ECT2: variants seen among roughly 807,000 people sequenced by gnomAD.
ECT2 encodes the protein protein ECT2.
A neutral mutation model predicts 116.9 loss-of-function variants in ECT2; 61 were observed. The ratio of observed to expected loss-of-function variants is 0.52; its 90% CI spans 0.42 to 0.65. ECT2 has a LOEUF of 0.65. Ranked by LOEUF, ECT2 falls within the 30% of genes least tolerant of loss-of-function variation. The pLI is 0.00. For synonymous variants in ECT2, 358 were observed against 346.4 expected (o/e 1.03, Z -0.37); for missense variants, 937 against 1,078.7 (o/e 0.87, Z 1.84).
At chr3:172,820,078 T>C (rs1730489901) in intron 24 of ECT2, 70 bp from the exon 25 acceptor site, 1 of 1,148,630 alleles carries the variant, frequency 8.7e-7, no homozygotes, top group South Asian at 1.4e-5. Flanking sequence ...ATAGGCATGA[T>C]ACTGAACTGT....
chr3:172,819,011 T>C lies in ECT2; in HGVS notation c.2656-1137T>C, dbSNP rs867653512. Among the ~76,000 whole-genome samples, 4 of 152,244 alleles carry C rather than the reference T, an allele frequency of 2.6e-5. No individual in the cohort carries two copies. In the East Asian group the frequency reaches 7.7e-4, roughly 29 times the overall value. Reference sequence around the variant, plus strand: ...ATAAGTTCCATTAGAAATTTTCTTATTTAGGAAAATTATCATTTTAAAGAA... The same window carrying C: ...ATAAGTTCCATTAGAAATTTTCTTACTTAGGAAAATTATCATTTTAAAGAA... On this transcript the variant is annotated intron_variant, in intron 24 of 24. Transcript: ENST00000392692.
downstream of ECT2, among the ~76,000 whole-genome samples, chr3:172,825,645 C>CT (rs1242759965): frequency 6.6e-6 from 1 of 152,158 alleles, no homozygotes; most frequent in African/African-American, 2.4e-5. Context: ...CCTTAACTCT[C>CT]TTTCAATTCT....
chr3:172,802,752 G>A (rs1322740840), intron 19 of ECT2, 58 bp downstream of exon 19: 3 of 1,518,322 alleles, frequency 2.0e-6, no homozygotes, highest in Non-Finnish European at 2.7e-6. Context: ...TGAGGTTTCT[G>A]TGGTTTTAAT....
chr3:172,767,238 C>T (rs186881359), intron 12 of ECT2, among the ~76,000 whole-genome samples: 11 of 152,222 alleles, frequency 7.2e-5, no homozygotes, highest in African/African-American at 2.2e-4. Flanking sequence ...TTCAGGAGTT[C>T]GAGACCAGCC....
At chr3:172,763,365 A>G (rs953776797) in intron 11 of ECT2, among the ~76,000 whole-genome samples, 1 of 152,176 alleles carries the variant, frequency 6.6e-6, no homozygotes, top group African/African-American at 2.4e-5. Flanking sequence ...ATAAATGTTG[A>G]CCCAACTTAC....
At chr3:172,755,411 A>C (rs1355584491) in intron 3 of ECT2, 37 bp downstream of exon 3, 1 of 1,566,362 alleles carries the variant, frequency 6.4e-7, no homozygotes, top group East Asian at 2.3e-5. Context: ...TTTGTAATGC[A>C]ATTTTTCTTC....
chr3:172,807,882 G>T lies in ECT2; in HGVS notation c.2358G>T (p.Met786Ile). 6.2e-7 allele frequency: 1 copy of T among 1,613,900 alleles called. No individual in the cohort carries two copies. Among genetic ancestry groups the T allele is most frequent in the Non-Finnish European group, 8.5e-7 (1 of 1,179,828 alleles). Reference sequence around the variant, plus strand: ...TTCCAAAAGAAAACTGGCTAAAGATGCTGTGTCGACATGTAGCTAACACCA... The same window carrying T: ...TTCCAAAAGAAAACTGGCTAAAGATTCTGTGTCGACATGTAGCTAACACCA... ...DELPKENWLK[M>I]LCRHVANTIC... Residue 786 changes from methionine to isoleucine, a missense_variant, in exon 22 of 25, where the codon ATG (methionine) becomes ATT (isoleucine). Met to Ile is a conservative substitution (Grantham distance 10). Transcript: ENST00000392692.
At chr3:172,817,292 C>T (rs922349194) in intron 24 of ECT2, among the ~76,000 whole-genome samples, 2 of 152,118 alleles carry the variant, frequency 1.3e-5, no homozygotes, top group African/African-American at 4.8e-5. Context: ...AACCTCTAAC[C>T]TCTTTATTGG....
rs1285589268 is a variant in ECT2 at position 172,821,067 on chromosome 3, T to C, written c.*830T>C. ...ATTGTGGTAAAGACTGTTTGTACCCTTCATGAAATAATTCTGAAGTTGCCA... is the reference window on the plus strand; with the variant it reads ...ATTGTGGTAAAGACTGTTTGTACCCCTCATGAAATAATTCTGAAGTTGCCA... On this transcript the variant is annotated 3_prime_UTR_variant, in exon 25 of 25. Transcript: ENST00000392692. 1 of 151,932 alleles carries C rather than the reference T, an allele frequency of 6.6e-6. No homozygotes were observed. The highest frequency in any genetic ancestry group is 1.5e-5 in the Non-Finnish European group (1 of 67,812). 9.4% of individuals were successfully genotyped at this position (151,932 alleles called of 1,614,324 possible). A position where few individuals can be genotyped will look rare whatever the true frequency, so the allele number is the denominator to read the frequency against.
In ECT2 at chr3:172,807,088, A is replaced by T. The variant is rs553153840; in HGVS notation, c.2246-682A>T. Among the ~76,000 whole-genome samples, 4 of 152,300 alleles carry T rather than the reference A, an allele frequency of 2.6e-5. No homozygotes were observed. The South Asian group carries it at 8.3e-4, about 32-fold the overall frequency. ...GTTCCTGGACCTCCCTTGGTTACCAAAATCTGGGATGCTCAAGTCCTGGAT... is the reference window on the plus strand; with the variant it reads ...GTTCCTGGACCTCCCTTGGTTACCATAATCTGGGATGCTCAAGTCCTGGAT... On this transcript the variant is annotated intron_variant, in intron 21 of 24. Coordinates refer to ENST00000392692, the MANE Select transcript of ECT2 (RefSeq NM_001258315.2).
At chr3:172,753,532 A>C (rs1170118728) in intron 1 of ECT2, among the ~76,000 whole-genome samples, 1 of 152,210 alleles carries the variant, frequency 6.6e-6, no homozygotes, top group Non-Finnish European at 1.5e-5. Context: ...TGTTTTGTCA[A>C]ACCTTTTAGG....
intron 18 of ECT2, among the ~76,000 whole-genome samples, chr3:172,802,094 G>GTTTTGT (rs370602646): frequency 1.0e-3 from 159 of 151,592 alleles, no homozygotes; most frequent in African/African-American, 2.4e-3. Flanking sequence ...GTCTATGGAT[G>GTTTTGT]TTTTGTTTTT....
rs576949496 is a variant in ECT2, at chr3:172,764,909, T to G, written c.1291+409T>G. ...GTCAGAGGAGGGTGAGTTCACTTTG[T>G]GCTGAACTGATACAGAAAGGCTCCT... On this transcript the variant is annotated intron_variant, in intron 12 of 24. Transcript: ENST00000392692. Among the ~76,000 whole-genome samples the G allele has an allele frequency of 6.6e-5, 10 of 152,314 alleles. No homozygotes were observed. The Middle Eastern group carries it at 0.01, about 155-fold the overall frequency.
In ECT2 at chr3:172,786,567, G is replaced by A; in HGVS notation, c.1900G>A (p.Val634Ile). 1 of 1,603,548 alleles carries A rather than the reference G, an allele frequency of 6.2e-7. No homozygotes were observed. Among genetic ancestry groups the A allele is most frequent in the Non-Finnish European group, 8.5e-7 (1 of 1,172,228 alleles). The change falls in exon 18 of 25, where the codon GTA (valine) becomes ATA (isoleucine). Residue 634 changes from valine (V) to isoleucine (I), a missense_variant. By Grantham distance (29) the Val-to-Ile change is conservative (BLOSUM62 3). Coordinates refer to ENST00000392692, the MANE Select transcript of ECT2 (RefSeq NM_001258315.2). ...LEKAIGSLKE[V>I]MTHINEDKRK... is the part of the protein sequence containing the mutation. ...AAAAGCTATTGGATCACTGAAGGAA[G>A]TAATGACGTAAGTGCATTATTTTCA...
chr3:172,826,022 T>C (rs1173054299), downstream of ECT2, among the ~76,000 whole-genome samples: 2 of 152,132 alleles, frequency 1.3e-5, no homozygotes. Context: ...GCCTCCCAAG[T>C]AGCTGGGATT....
intron 18 of ECT2, among the ~76,000 whole-genome samples, chr3:172,797,634 G>A (rs945599506): frequency 4.6e-5 from 7 of 151,936 alleles, no homozygotes; most frequent in African/African-American, 1.7e-4. Flanking sequence ...TTTTCATCTG[G>A]CTCAACTTCC....
intron 13 of ECT2, chr3:172,771,136 CAG>C (rs1720555899): frequency 1.3e-5 from 2 of 151,888 alleles, no homozygotes; most frequent in African/African-American, 4.8e-5. Context: ...CTTTTTTTGA[CAG>C]AAGTTTCCAA....
At chr3:172,811,926 T>C (rs1009163309) in intron 22 of ECT2, among the ~76,000 whole-genome samples, 11 of 152,174 alleles carry the variant, frequency 7.2e-5, no homozygotes, top group African/African-American at 2.7e-4. Flanking sequence ...GGTATGACTT[T>C]TGATACTTTC....
At chr3:172,780,199 T>A (rs964363246) in intron 14 of ECT2, among the ~76,000 whole-genome samples, 1 of 152,112 alleles carries the variant, frequency 6.6e-6, no homozygotes, top group Non-Finnish European at 1.5e-5. Flanking sequence ...ATTGTAAATA[T>A]GTTTATATAG....
Sources: allele counts gnomAD v4.1 joint callset (sites outside exome capture counted in the v4.1 genomes callset), GRCh38; gene constraint gnomAD v4.1.1; transcripts MANE v1.5; gene names NCBI Gene and HGNC (gene_info 2026-07-23, HGNC 2026-07-21).